PCDH7: variants seen among roughly 807,000 people sequenced by gnomAD.
PCDH7 encodes the protein protocadherin-7.
A neutral mutation model predicts 58.9 loss-of-function variants in PCDH7; 17 were observed. The observed-to-expected ratio is 0.29, with a 90% confidence interval of 0.20 to 0.43. PCDH7 has a LOEUF of 0.43. Ranked by LOEUF, PCDH7 falls within the 20% of genes least tolerant of loss-of-function variation. PCDH7 has a pLI of 1.00. For synonymous variants in PCDH7, 664 were observed against 616.4 expected (o/e 1.08, Z -1.14); for missense variants, 1,274 against 1,441.0 (o/e 0.88, Z 1.88).
intron 3 of PCDH7, among the ~76,000 whole-genome samples, chr4:31,075,693 C>A (rs1560624622): frequency 1.3e-5 from 2 of 152,260 alleles, no homozygotes; most frequent in East Asian, 3.9e-4. Context: ...GTCTGACTAT[C>A]TGATATGGGC....
intron 1 of PCDH7, among the ~76,000 whole-genome samples, chr4:30,783,756 CAAG>C (rs1341514454): frequency 6.6e-5 from 10 of 152,034 alleles, no homozygotes; most frequent in Non-Finnish European, 1.3e-4. Flanking sequence ...TATTGTTGGC[CAAG>C]AAGGTCTAGA....
intron 3 of PCDH7, among the ~76,000 whole-genome samples, chr4:30,955,764 G>T (rs61795887): frequency 0.049 from 7,499 of 151,754 alleles, 424 homozygotes; most frequent in East Asian, 0.28. Flanking sequence ...GACCAGGCTG[G>T]TCTCAAACTC....
intron 2 of PCDH7, among the ~76,000 whole-genome samples, chr4:30,931,978 T>G (rs6825633): frequency 0.027 from 4,048 of 152,210 alleles, 176 homozygotes; most frequent in African/African-American, 0.09. Flanking sequence ...TTTTATACTA[T>G]GCAATTATTT....
intron 3 of PCDH7, among the ~76,000 whole-genome samples, chr4:30,957,544 TTCTC>T (rs1320245719): frequency 6.6e-6 from 1 of 152,156 alleles, no homozygotes; most frequent in African/African-American, 2.4e-5. Context: ...TTACTGATCT[TTCTC>T]TATATTTATA....
chr4:30,792,628 A>C (rs1462115874), intron 1 of PCDH7, among the ~76,000 whole-genome samples: 3 of 152,166 alleles, frequency 2.0e-5, no homozygotes, highest in African/African-American at 7.2e-5. Context: ...TCCAATTTTA[A>C]GAGATTGGAG....
chr4:31,085,535 G>A (rs1712292950), intron 3 of PCDH7, among the ~76,000 whole-genome samples: 1 of 152,018 alleles, frequency 6.6e-6, no homozygotes, highest in Non-Finnish European at 1.5e-5. Flanking sequence ...CCTACTCCCA[G>A]GAATGAACGA....
At chr4:30,781,405 G>T (rs1182652755) in intron 1 of PCDH7, among the ~76,000 whole-genome samples, 1 of 151,994 alleles carries the variant, frequency 6.6e-6, no homozygotes, top group East Asian at 1.9e-4. Context: ...CTCCCAAAGT[G>T]CTGGGATTAC....
At position 30,968,376 on chromosome 4, in the gene PCDH7, C is replaced by CACTA. The variant is rs1201981720; in HGVS notation, c.*7+18161_*7+18162insACTA. 4.5e-5 allele frequency among the ~76,000 whole-genome samples: 3 copies of CACTA among 67,056 alleles called. No homozygotes were observed. In the South Asian group the frequency reaches 1.5e-3, roughly 34 times the overall value. 44.0% of individuals were successfully genotyped at this position (67,056 alleles called of 152,430 possible). ...TACACACACTATATATATACACACACTATATATATATATATATATATATAT... is the reference window on the plus strand; with the variant it reads ...TACACACACTATATATATACACACACACTATATATATATATATATATATATATAT... On this transcript the variant is annotated intron_variant, in intron 3 of 3. Coordinates refer to the PCDH7 transcript ENST00000509759.
chr4:31,033,536 A>G (rs1755134785), intron 3 of PCDH7, among the ~76,000 whole-genome samples: 1 of 152,178 alleles, frequency 6.6e-6, no homozygotes, highest in Non-Finnish European at 1.5e-5. Flanking sequence ...TACAACTGGA[A>G]TCTACATCAG....
intron 1 of PCDH7, among the ~76,000 whole-genome samples, chr4:30,814,150 T>C (rs1727361340): frequency 6.6e-6 from 1 of 152,102 alleles, no homozygotes; most frequent in African/African-American, 2.4e-5. Flanking sequence ...ATATAGGCAA[T>C]TTTTACATAA....
chr4:31,039,411 G>A lies in PCDH7; in HGVS notation c.*7+89196G>A, dbSNP rs150052860. On this transcript the variant is annotated intron_variant, in intron 3 of 3. Coordinates refer to the PCDH7 transcript ENST00000509759. ...TTGTTTTGCTTTGTTTTAGAGATGG[G>A]GTCTTGCTATGTTGCCCAGGCTGGA... Among the ~76,000 whole-genome samples, 1,333 of 152,212 alleles carry A rather than the reference G, an allele frequency of 8.8e-3. 20 individuals are homozygous for A. The highest frequency in any genetic ancestry group is 0.031 in the African/African-American group (1,267 of 41,532).
chr4:31,093,920 A>G (rs754925304), intron 3 of PCDH7, among the ~76,000 whole-genome samples: 1 of 152,132 alleles, frequency 6.6e-6, no homozygotes, highest in South Asian at 2.1e-4. Context: ...TGAGTGTTTC[A>G]TCACTTAATA....
At chr4:30,819,052 T>A (rs946511778) in intron 1 of PCDH7, among the ~76,000 whole-genome samples, 1 of 152,134 alleles carries the variant, frequency 6.6e-6, no homozygotes, top group Non-Finnish European at 1.5e-5. Context: ...GAGACAGAGG[T>A]GGCTGACCTG....
intron 2 of PCDH7, among the ~76,000 whole-genome samples, chr4:30,940,729 C>G (rs913828204): frequency 6.6e-6 from 1 of 151,898 alleles, no homozygotes; most frequent in African/African-American, 2.4e-5. Flanking sequence ...CGTATAATAG[C>G]AGGCTCTTAT....
chr4:30,725,017 C>G, intron 1 of PCDH7: 1 of 1,009,612 alleles, frequency 9.9e-7, no homozygotes, highest in Non-Finnish European at 1.2e-6. Context: ...CTACTGGTGT[C>G]TATGCAAATT....
At chr4:30,846,447 C>T (rs1033201726) in intron 1 of PCDH7, among the ~76,000 whole-genome samples, 2 of 151,800 alleles carry the variant, frequency 1.3e-5, no homozygotes, top group African/African-American at 4.8e-5. Flanking sequence ...CAGATGCTGG[C>T]AACTTGATGT....
At chr4:30,958,146 T>C (rs1471088927) in intron 3 of PCDH7, among the ~76,000 whole-genome samples, 1 of 152,016 alleles carries the variant, frequency 6.6e-6, no homozygotes, top group Non-Finnish European at 1.5e-5. Context: ...GGTTACAGTT[T>C]TTTAAAAATA....
At chr4:31,102,425 A>G (rs568792213) in intron 3 of PCDH7, among the ~76,000 whole-genome samples, 30 of 152,262 alleles carry the variant, frequency 2.0e-4, no homozygotes, top group African/African-American at 7.2e-4. Flanking sequence ...AGCATTTGTA[A>G]ATAAAAAGTC....
intron 3 of PCDH7, among the ~76,000 whole-genome samples, chr4:31,010,225 T>A (rs1753068650): frequency 1.3e-5 from 2 of 152,068 alleles, no homozygotes; most frequent in South Asian, 2.1e-4. Flanking sequence ...TCCTGGCTTC[T>A]CAAACCAACC....
Sources: allele counts gnomAD v4.1 joint callset (sites outside exome capture counted in the v4.1 genomes callset), GRCh38; gene constraint gnomAD v4.1.1; transcripts MANE v1.5; gene names NCBI Gene and HGNC (gene_info 2026-07-23, HGNC 2026-07-21).